The following CCDC3 variants were observed in gnomAD, a reference collection of about 807,000 sequenced individuals.
CCDC3 encodes coiled-coil domain-containing protein 3.
Under a neutral mutation model 21.4 loss-of-function variants are expected in CCDC3, and 24 were observed. That is an observed-to-expected ratio of 1.12 (90% CI 0.81 to 1.58). CCDC3 has a LOEUF of 1.58. CCDC3 is among the 40% of genes most tolerant of loss of function. The pLI is 0.00. For missense variants in CCDC3, 425 were observed against 360.9 expected (o/e 1.18, Z -1.44); for synonymous variants, 186 against 166.0 (o/e 1.12, Z -0.93).
chr10:13,021,176 T>C (rs1836140575), intron 5 of CCDC3, among the ~76,000 whole-genome samples: 1 of 152,232 alleles, frequency 6.6e-6, no homozygotes, highest in South Asian at 2.1e-4. Flanking sequence ...AAAAATGCAG[T>C]TCTTTGAGGA....
intron 2 of CCDC3, among the ~76,000 whole-genome samples, chr10:12,974,714 C>T (rs1473860308): frequency 2.0e-5 from 3 of 152,168 alleles, no homozygotes; most frequent in Non-Finnish European, 1.5e-5. Flanking sequence ...ACATGACACC[C>T]CCGGATCATT....
intron 3 of CCDC3, among the ~76,000 whole-genome samples, chr10:13,091,029 T>G (rs1234444396): frequency 6.6e-6 from 1 of 152,160 alleles, no homozygotes; most frequent in Admixed American, 6.5e-5. Flanking sequence ...AGTCTGATGT[T>G]CAAGGGCAGG....
intron 2 of CCDC3, among the ~76,000 whole-genome samples, chr10:12,958,967 T>C (rs1277108173): frequency 6.6e-6 from 1 of 152,098 alleles, no homozygotes. Context: ...ATCAACCTAG[T>C]GGGAATGGGT....
At chr10:13,054,459 AT>A (rs1836656445) in intron 4 of CCDC3, among the ~76,000 whole-genome samples, 1 of 151,882 alleles carries the variant, frequency 6.6e-6, no homozygotes, top group South Asian at 2.1e-4. Context: ...GTTTGTTTGC[AT>A]TTCTGTCTCC....
intron 2 of CCDC3, among the ~76,000 whole-genome samples, chr10:12,945,418 A>G (rs982000950): frequency 1.4e-4 from 21 of 148,014 alleles, no homozygotes; most frequent in African/African-American, 2.7e-4. Flanking sequence ...AAGTATAGGG[A>G]AAAAAAAAAC....
chr10:12,914,390 G>C (rs1348513603), intron 2 of CCDC3, among the ~76,000 whole-genome samples: 2 of 151,974 alleles, frequency 1.3e-5, no homozygotes, highest in Non-Finnish European at 2.9e-5. Context: ...GTCTTTTTTA[G>C]TCATTTGTAT....
rs114726767 is a variant in CCDC3, at chr10:12,978,812, C to A, written c.549+19526G>T. Among the ~76,000 whole-genome samples the A allele has an allele frequency of 7.4e-3, 1,134 of 152,290 alleles. 18 individuals carry two copies. The highest frequency in any genetic ancestry group is 0.026 in the African/African-American group (1,090 of 41,554). On this transcript the variant is annotated intron_variant, in intron 2 of 2. Transcript: ENST00000378825. ...GGTAACTAATTTAGAAAGGACCTAA[C>A]AAGTTACTATCTGTACCATGTAAGA...
chr10:13,045,636 A>G (rs1435937566), intron 5 of CCDC3, among the ~76,000 whole-genome samples: 1 of 152,056 alleles, frequency 6.6e-6, no homozygotes, highest in Non-Finnish European at 1.5e-5. Flanking sequence ...CAAACAAACA[A>G]AATATATATA....
chr10:12,960,842 A>C (rs1835169575), intron 2 of CCDC3, among the ~76,000 whole-genome samples: 1 of 152,156 alleles, frequency 6.6e-6, no homozygotes, highest in African/African-American at 2.4e-5. Flanking sequence ...TCCCGACCCA[A>C]ACAAGCAGGG....
chr10:12,937,491 T>C (rs181302432), intron 2 of CCDC3, among the ~76,000 whole-genome samples: 1 of 152,244 alleles, frequency 6.6e-6, no homozygotes, highest in East Asian at 1.9e-4. Context: ...AGACAGGGTC[T>C]CAACTCTGTC....
intron 4 of CCDC3, among the ~76,000 whole-genome samples, chr10:13,060,906 G>C (rs967707014): frequency 1.3e-5 from 2 of 152,144 alleles, no homozygotes; most frequent in South Asian, 4.1e-4. Flanking sequence ...CGGAGGTGTT[G>C]ATATAAAAAT....
At chr10:12,948,214 T>C (rs57811179) in intron 2 of CCDC3, among the ~76,000 whole-genome samples, 57,256 of 152,058 alleles carry the variant, frequency 0.38, 11,001 homozygotes, top group South Asian at 0.53. Context: ...ACATAAGATG[T>C]GCCTTTGCTC....
chr10:13,022,569 G>C (rs1010858538), intron 5 of CCDC3, among the ~76,000 whole-genome samples: 1 of 152,032 alleles, frequency 6.6e-6, no homozygotes. Flanking sequence ...AAAAGTAATG[G>C]CCATTTTTAA....
chr10:12,952,147 A>G (rs1338357263), intron 2 of CCDC3, among the ~76,000 whole-genome samples: 2 of 152,202 alleles, frequency 1.3e-5, no homozygotes, highest in East Asian at 1.9e-4. Flanking sequence ...AAACAGGCTC[A>G]TGTGGTTCTC....
At chr10:13,023,343 A>G (rs1836172707) in intron 5 of CCDC3, among the ~76,000 whole-genome samples, 1 of 152,144 alleles carries the variant, frequency 6.6e-6, no homozygotes, top group African/African-American at 2.4e-5. Flanking sequence ...TGGAATGACA[A>G]GAAGGTCCAA....
chr10:12,966,304 A>T (rs1439540663), intron 2 of CCDC3, among the ~76,000 whole-genome samples: 3 of 151,882 alleles, frequency 2.0e-5, no homozygotes, highest in African/African-American at 7.3e-5. Flanking sequence ...CTAGAAACTG[A>T]GGGGCTGTGG....
intron 5 of CCDC3, among the ~76,000 whole-genome samples, chr10:13,038,036 T>C (rs561824367): frequency 2.0e-5 from 3 of 152,012 alleles, no homozygotes; most frequent in Non-Finnish European, 4.4e-5. Context: ...TATGCAGCCA[T>C]GAAAAGGAGC....
At chr10:12,949,379 T>G (rs1018609337) in intron 2 of CCDC3, among the ~76,000 whole-genome samples, 2 of 152,162 alleles carry the variant, frequency 1.3e-5, no homozygotes, top group African/African-American at 2.4e-5. Context: ...CTTTTTTCCT[T>G]CCTGTTGGCT....
At chr10:12,982,792 C>CAAAA (rs61685162) in intron 2 of CCDC3, among the ~76,000 whole-genome samples, 2 of 52,900 alleles carry the variant, frequency 3.8e-5, no homozygotes, top group African/African-American at 6.2e-5. Flanking sequence ...GACTCTGTCT[C>CAAAA]AAAAAAAAAA....
Sources: gnomAD v4.1 joint callset for allele counts (sites outside exome capture counted in the v4.1 genomes callset) on GRCh38, gnomAD v4.1.1 for gene constraint, MANE v1.5 for transcripts, NCBI Gene and HGNC (gene_info 2026-07-23, HGNC 2026-07-21) for gene names.